Variants in CA12 observed in about 807,000 individuals in gnomAD.
The protein encoded by CA12 is carbonate dehydratase XII.
In CA12, 36 loss-of-function variants were observed where a neutral mutation model predicts 46.8. The ratio of observed to expected loss-of-function variants is 0.77; its 90% CI spans 0.59 to 1.02. The LOEUF is 1.02. Ranked by LOEUF, CA12 falls within the 50% of genes least tolerant of loss-of-function variation. CA12 has a pLI of 0.00. For missense variants in CA12, 436 were observed against 451.4 expected, an observed-to-expected ratio of 0.97 and a Z score of 0.31; for synonymous variants, 202 against 187.0, an observed-to-expected ratio of 1.08 and a Z score of -0.65.
At chr15:63,379,353 T>G (rs2039615692) in intron 1 of CA12, among the ~76,000 whole-genome samples, 1 of 152,146 alleles carries the variant, frequency 6.6e-6, no homozygotes, top group Admixed American at 6.5e-5. Context: ...TCAGGAAGTC[T>G]CTCTAAAAGT....
In CA12 at chr15:63,355,590, C is replaced by T. The variant is rs905780117; in HGVS notation, c.107-8881G>A. On this transcript the variant is annotated intron_variant, in intron 2 of 10. Coordinates refer to ENST00000178638, the MANE Select transcript of CA12 (RefSeq NM_001218.5). This position sits in a 1 kb window ranked among gnomAD's most constrained non-coding sequence, Gnocchi z 4.1. ...AGACTGTCAGCTCGCTTTCTGCATG[C>T]GTGTACACCTGGCTCCTGCTGCAGA... 2.6e-5 allele frequency among the ~76,000 whole-genome samples: 4 copies of T among 152,198 alleles called. No homozygotes were observed. Among genetic ancestry groups the T allele is most frequent in the African/African-American group, 4.8e-5 (2 of 41,450 alleles).
intron 2 of CA12, among the ~76,000 whole-genome samples, chr15:63,349,753 T>A (rs879480332): frequency 4.6e-5 from 7 of 152,166 alleles, no homozygotes; most frequent in Non-Finnish European, 7.3e-5. Flanking sequence ...ACCTGGAATT[T>A]CCTGGCTTCC....
At position 63,373,323 on chromosome 15, in the gene CA12, C is replaced by T. The variant is rs2039529934; in HGVS notation, c.106+2335G>A. On this transcript the variant is annotated intron_variant, in intron 2 of 10. Coordinates refer to ENST00000178638, the MANE Select transcript of CA12 (RefSeq NM_001218.5). This position sits in a 1 kb window ranked among gnomAD's most constrained non-coding sequence, Gnocchi z 4.9. Reference sequence around the variant, plus strand: ...GAGGTTGCAGTGAGCCAAGATCACGCCACTGCACTCCACCCTGGGTGAGAA... The same window carrying T: ...GAGGTTGCAGTGAGCCAAGATCACGTCACTGCACTCCACCCTGGGTGAGAA... Among the ~76,000 whole-genome samples, 1 of 151,326 alleles carries T rather than the reference C, an allele frequency of 6.6e-6. No homozygotes were observed. The highest frequency in any genetic ancestry group is 1.5e-5 in the Non-Finnish European group (1 of 67,914).
At chr15:63,370,947 C>T (rs1595792404) in intron 2 of CA12, among the ~76,000 whole-genome samples, 2 of 152,066 alleles carry the variant, frequency 1.3e-5, no homozygotes, top group Non-Finnish European at 1.5e-5. Flanking sequence ...CAAGAGCCCT[C>T]GGTCTATTAA....
chr15:63,372,268 A>G lies in CA12; in HGVS notation c.106+3390T>C, dbSNP rs1023567883. Reference sequence around the variant, plus strand: ...TTCCGGCGGGGAAGGTCCATGTCACATCATCCCCAGCCTCTCTCTCATGAT... The same window carrying G: ...TTCCGGCGGGGAAGGTCCATGTCACGTCATCCCCAGCCTCTCTCTCATGAT... On this transcript the variant is annotated intron_variant, in intron 2 of 10. Transcript: ENST00000178638. The surrounding 1 kb of genome is among the most constrained non-coding windows in gnomAD (Gnocchi z 4.5). 2.0e-5 allele frequency among the ~76,000 whole-genome samples: 3 copies of G among 152,280 alleles called. No homozygotes were observed. The highest frequency in any genetic ancestry group is 3.4e-3 in the Middle Eastern group (1 of 294).
At chr15:63,335,749 T>C (rs2152613170) in intron 8 of CA12, among the ~76,000 whole-genome samples, 1 of 152,226 alleles carries the variant, frequency 6.6e-6, no homozygotes, top group African/African-American at 2.4e-5. Context: ...CATGCCTCAG[T>C]GGATGAGGCT....
In CA12 at chr15:63,329,560, C is replaced by T. The variant is rs1385868751; in HGVS notation, c.875-1430G>A. Among the ~76,000 whole-genome samples the T allele has an allele frequency of 6.6e-6, 1 of 152,154 alleles. No individual in the cohort carries two copies. Among genetic ancestry groups the T allele is most frequent in the African/African-American group, 2.4e-5 (1 of 41,432 alleles). On this transcript the variant is annotated intron_variant, in intron 8 of 10. Coordinates refer to ENST00000178638, the MANE Select transcript of CA12 (RefSeq NM_001218.5). This position sits in a 1 kb window ranked among gnomAD's most constrained non-coding sequence, Gnocchi z 4.8. ...CCCTTCTGTCTGGTGGTTTTCTCAT[C>T]TCAATGGAAACTTCTAGCATGTGTG...
At position 63,328,916 on chromosome 15, in the gene CA12, G is replaced by C. The variant is rs140717928; in HGVS notation, c.875-786C>G. Among the ~76,000 whole-genome samples, 323 of 152,230 alleles carry C rather than the reference G, an allele frequency of 2.1e-3. No homozygotes were observed. The highest frequency in any genetic ancestry group is 3.6e-3 in the Non-Finnish European group (242 of 68,022). On this transcript the variant is annotated intron_variant, in intron 8 of 10. Transcript: ENST00000178638. The surrounding 1 kb of genome is among the most constrained non-coding windows in gnomAD (Gnocchi z 5.9). The stretch of plus-strand genomic sequence containing the variant: ...GGGTTTTGCCATGTTGACCAGGCTG[G>C]TCTCGAACTCCTGATCTCAAGTGAT...
At chr15:63,326,418 C>G (rs1296150636) in intron 10 of CA12, 61 bp from the exon 11 acceptor site, 16 of 1,377,910 alleles carry the variant, frequency 1.2e-5, no homozygotes, top group East Asian at 2.3e-5. Flanking sequence ...CAGAGAGCAG[C>G]CTGACTCAGG....
In CA12 at chr15:63,340,443, G is replaced by C. The variant is rs1389027434; in HGVS notation, c.592C>G (p.Gln198Glu). Reference sequence around the variant, plus strand: ...TTGAATCCCGGGACGAATGCTTCCTGGCCTAGAGAGACATGTTGCAGAGGT... The same window carrying C: ...TTGAATCCCGGGACGAATGCTTCCTCGCCTAGAGAGACATGTTGCAGAGGT... ...SHLQHVKYKG[Q>E]EAFVPGFNIE... The change falls in exon 7 of 11, where the codon CAG becomes GAG. Residue 198 changes from glutamine (Q) to glutamate (E), a missense_variant and splice_region_variant. Transcript: ENST00000178638. The surrounding 1 kb of genome is among the most constrained non-coding windows in gnomAD (Gnocchi z 4.4). 10 of 1,614,166 alleles carry C rather than the reference G, an allele frequency of 6.2e-6. No homozygotes were observed. Among genetic ancestry groups the C allele is most frequent in the African/African-American group, 1.3e-5 (1 of 75,036 alleles).
chr15:63,337,171 G>A (rs2152613841), intron 8 of CA12, among the ~76,000 whole-genome samples: 1 of 152,332 alleles, frequency 6.6e-6, no homozygotes, highest in South Asian at 2.1e-4. Context: ...AGGAAAGAGG[G>A]AAATGATCTT....
intron 2 of CA12, among the ~76,000 whole-genome samples, chr15:63,364,345 A>AC (rs2039410730): frequency 6.7e-6 from 1 of 149,182 alleles, no homozygotes; most frequent in Non-Finnish European, 1.5e-5. Context: ...AAAAAAAAAA[A>AC]AAAAAAAAAA....
Position 63,339,042 on chromosome 15 carries a change from C to A in CA12, c.748-97G>T. ...TCTCCGCTCTTGCACCTGGGAGAAG[C>A]CTCTGGAACCAGCTTCTGTGGGGCC... On this transcript the variant is annotated intron_variant, in intron 7 of 10. Coordinates refer to ENST00000178638, the MANE Select transcript of CA12 (RefSeq NM_001218.5). This position sits in a 1 kb window ranked among gnomAD's most constrained non-coding sequence, Gnocchi z 4.3. 1 of 1,489,662 alleles carries A rather than the reference C, an allele frequency of 6.7e-7. No homozygotes were observed. The highest frequency in any genetic ancestry group is 9.2e-7 in the Non-Finnish European group (1 of 1,086,224). 92.3% of individuals were successfully genotyped at this position (1,489,662 alleles called of 1,614,324 possible). A position where few individuals can be genotyped will look rare whatever the true frequency, so the allele number is the denominator to read the frequency against.
At position 63,327,979 on chromosome 15, in the gene CA12, G is replaced by A. The variant is rs1265600935; in HGVS notation, c.907+119C>T. ...ACTTGAGGGTAAGACCCATAGCAAG[G>A]AGAGGGCCAGGAGCCAGAGCAATAG... On this transcript the variant is annotated intron_variant, in intron 9 of 10. Transcript: ENST00000178638. The surrounding 1 kb of genome is among the most constrained non-coding windows in gnomAD (Gnocchi z 4.5). 14 of 923,984 alleles carry A rather than the reference G, an allele frequency of 1.5e-5. No homozygotes were observed. Among genetic ancestry groups the A allele is most frequent in the Non-Finnish European group, 2.3e-5 (13 of 563,762 alleles). The allele number at this position is 923,984 out of a possible 1,614,324, so 57.2% of individuals were successfully genotyped here. A position where few individuals can be genotyped will look rare whatever the true frequency, so the allele number is the denominator to read the frequency against.
intron 2 of CA12, among the ~76,000 whole-genome samples, chr15:63,350,463 G>A (rs1197824375): frequency 6.6e-6 from 1 of 152,194 alleles, no homozygotes; most frequent in Admixed American, 6.5e-5. Context: ...TTGCTCTTCT[G>A]AGTTTTGACT....
In CA12 at chr15:63,331,569, A is replaced by G. The variant is rs1212774269; in HGVS notation, c.875-3439T>C. 6.6e-6 allele frequency: 1 copy of G among 152,182 alleles called. No homozygotes were observed. Among genetic ancestry groups the G allele is most frequent in the Non-Finnish European group, 1.5e-5 (1 of 68,036 alleles). 9.4% of individuals were successfully genotyped at this position (152,182 alleles called of 1,614,324 possible). A position where few individuals can be genotyped will look rare whatever the true frequency, so the allele number is the denominator to read the frequency against. On this transcript the variant is annotated intron_variant, in intron 8 of 10. Coordinates refer to ENST00000178638, the MANE Select transcript of CA12 (RefSeq NM_001218.5). The surrounding 1 kb of genome is among the most constrained non-coding windows in gnomAD (Gnocchi z 5.3). The stretch of plus-strand genomic sequence containing the variant: ...GGGGCTGGCTGGTAAGAGGGTGCAC[A>G]CCATGAGGACGTGGGAGAGCCGCCT...
In CA12 at chr15:63,345,535, T is replaced by C. The variant is rs2039135294; in HGVS notation, c.371A>G (p.Asn124Ser). 6.2e-7 allele frequency: 1 copy of C among 1,613,140 alleles called. No homozygotes were observed. ...CTCAGAGCCGTGCGGGTCATTCGGG[T>C]TCCCCCAGTGCAGGTGCAGCTGCGT... is the stretch of plus-strand genomic sequence containing the variant. ...SATQLHLHWG[N>S]PNDPHGSEHT... Residue 124 changes from asparagine (N) to serine (S), a missense_variant, in exon 4 of 11, where the codon AAC becomes AGC. Asn to Ser is a conservative substitution (Grantham distance 46, BLOSUM62 1). Coordinates refer to ENST00000178638, the MANE Select transcript of CA12 (RefSeq NM_001218.5). The surrounding 1 kb of genome is among the most constrained non-coding windows in gnomAD (Gnocchi z 4.3).
In CA12 at chr15:63,355,650, T is replaced by C. The variant is rs9989257; in HGVS notation, c.107-8941A>G. Among the ~76,000 whole-genome samples, 149,553 of 152,334 alleles carry C rather than the reference T, an allele frequency of 0.98. 73,477 individuals carry two copies. Among genetic ancestry groups the C allele is most frequent in the East Asian group, 1 (5,186 of 5,186 alleles). Reference sequence around the variant, plus strand: ...ACTGAAGTGTTCAACAAACAGCTCTTGAACTAAGCAACAAACAACAGCAAA... The same window carrying C: ...ACTGAAGTGTTCAACAAACAGCTCTCGAACTAAGCAACAAACAACAGCAAA... On this transcript the variant is annotated intron_variant, in intron 2 of 10. Coordinates refer to ENST00000178638, the MANE Select transcript of CA12 (RefSeq NM_001218.5). This position sits in a 1 kb window ranked among gnomAD's most constrained non-coding sequence, Gnocchi z 4.1.
chr15:63,375,781 G>A lies in CA12; in HGVS notation c.86-103C>T, dbSNP rs538600919. 4.5e-5 allele frequency: 35 copies of A among 776,518 alleles called. No individual in the cohort carries two copies. In the East Asian group the frequency reaches 6.2e-4, roughly 14 times the overall value. The allele number at this position is 776,518 out of a possible 1,614,324, so 48.1% of individuals were successfully genotyped here. ...TATGAGCGAAATTGAAAAGGAGGTC[G>A]ATGCCCAGAAATTGAAACTTTTTCT... is the stretch of plus-strand genomic sequence containing the variant. On this transcript the variant is annotated intron_variant, in intron 1 of 10. Coordinates refer to ENST00000178638, the MANE Select transcript of CA12 (RefSeq NM_001218.5).
Sources: allele counts gnomAD v4.1 joint callset (sites outside exome capture counted in the v4.1 genomes callset), GRCh38; gene constraint gnomAD v4.1.1; non-coding constraint Gnocchi (gnomAD v3.1); transcripts MANE v1.5; gene names NCBI Gene and HGNC (gene_info 2026-07-23, HGNC 2026-07-21).